Variants in IL17RA observed in about 807,000 individuals in gnomAD.
IL17RA encodes interleukin 17 receptor A, also known as interleukin-17 receptor A.
In IL17RA, 34 loss-of-function variants were observed where a neutral mutation model predicts 50.4. The observed-to-expected ratio is 0.67, with a 90% confidence interval of 0.51 to 0.90. The LOEUF (loss-of-function observed/expected upper bound fraction) is 0.90. Among genes scored for constraint, IL17RA ranks in the 40% least tolerant of loss-of-function variants. The pLI is 0.00. For synonymous variants in IL17RA, 585 were observed against 510.4 expected (o/e 1.15, Z -1.97); for missense variants, 1,276 against 1,169.8 (o/e 1.09, Z -1.32).
At chr22:17,085,322 G>T in intron 1 of IL17RA, 93 bp downstream of exon 1, 1 of 1,506,942 alleles carries the variant, frequency 6.6e-7, no homozygotes. Context: ...ACGCGCCCGG[G>T]CTGGGGAGGC....
In IL17RA at chr22:17,111,792, C is replaced by G. The variant is rs1387962853; in HGVS notation, c.*1972C>G. The G allele has an allele frequency of 2.0e-5, 3 of 152,174 alleles. No individual in the cohort carries two copies. The highest frequency in any genetic ancestry group is 7.2e-5 in the African/African-American group (3 of 41,428). 9.4% of individuals were successfully genotyped at this position (152,174 alleles called of 1,614,324 possible). On this transcript the variant is annotated 3_prime_UTR_variant, in exon 13 of 13. Coordinates refer to ENST00000319363, the MANE Select transcript of IL17RA (RefSeq NM_014339.7). ...AATAAAAGTGCATAAATTTGTTGAT[C>G]TGGTAAGAGTTTCTAGCAGGAAGGT... is the stretch of plus-strand genomic sequence containing the variant.
chr22:17,108,064 G>A (rs2061421343), intron 12 of IL17RA, among the ~76,000 whole-genome samples: 1 of 152,226 alleles, frequency 6.6e-6, no homozygotes, highest in South Asian at 2.1e-4. Context: ...TAAAGTATAG[G>A]CTAAAGACCA....
rs1453480856 is a variant in IL17RA at position 17,109,140 on chromosome 22, G to A, written c.1921G>A (p.Glu641Lys). 6.5e-7 allele frequency: 1 copy of A among 1,537,446 alleles called. No individual in the cohort carries two copies. Among genetic ancestry groups the A allele is most frequent in the Non-Finnish European group, 8.7e-7 (1 of 1,148,434 alleles). The change falls in exon 13 of 13, where the codon GAG becomes AAG. Residue 641 changes from glutamate (E) to lysine (K), a missense_variant. Glu to Lys is a moderately conservative substitution (Grantham distance 56, BLOSUM62 1). Coordinates refer to ENST00000319363, the MANE Select transcript of IL17RA (RefSeq NM_014339.7). ...CCTGGCCATAGACCCGCTGGTCGGG[G>A]AGGAAGGAGGAGCAGCAGTGGCAAA... ...ACLAIDPLVG[E>K]EGGAAVAKLE...
intron 2 of IL17RA, 122 bp from the exon 3 acceptor site, chr22:17,097,675 G>C: frequency 8.3e-7 from 1 of 1,201,678 alleles, no homozygotes; most frequent in East Asian, 2.4e-5. Context: ...GCGGCCAAGG[G>C]CCACAGGCTG....
At position 17,105,837 on chromosome 22, in the gene IL17RA, G is replaced by C; in HGVS notation, c.944-16G>C. On this transcript the variant is annotated splice_polypyrimidine_tract_variant and intron_variant, in intron 10 of 12. Transcript: ENST00000319363. ...CAGGCCCCGCCGCATCACTCACGCTGTTCTGCTCACCGCAGACTACATGCC... is the reference window on the plus strand; with the variant it reads ...CAGGCCCCGCCGCATCACTCACGCTCTTCTGCTCACCGCAGACTACATGCC... 6.2e-7 allele frequency: 1 copy of C among 1,604,492 alleles called. No homozygotes were observed. The highest frequency in any genetic ancestry group is 1.1e-5 in the South Asian group (1 of 90,814).
chr22:17,094,671 C>CTATATATATATATA (rs1568917407), intron 1 of IL17RA, among the ~76,000 whole-genome samples: 1,397 of 40,598 alleles, frequency 0.034, 159 homozygotes, highest in Non-Finnish European at 0.048. Context: ...CTCTCTCTCT[C>CTATATATATATATA]TCTCTCTCTC....
rs889485343 is a variant in IL17RA, at chr22:17,113,839, T to G, written c.*4019T>G. 1.3e-5 allele frequency: 2 copies of G among 152,234 alleles called. No homozygotes were observed. The highest frequency in any genetic ancestry group is 4.8e-5 in the African/African-American group (2 of 41,438). 9.4% of individuals were successfully genotyped at this position (152,234 alleles called of 1,614,324 possible). On this transcript the variant is annotated 3_prime_UTR_variant, in exon 13 of 13. Transcript: ENST00000319363. ...TGCTCGTCCGCCCTAGGTAGCTTGC[T>G]CATCTGTAAAGTGGGTGGGGCAGGA...
intron 10 of IL17RA, 40 bp from the exon 11 acceptor site, chr22:17,105,813 A>T: frequency 6.5e-7 from 1 of 1,539,000 alleles, no homozygotes; most frequent in Non-Finnish European, 8.8e-7. Flanking sequence ...TGGGCAGGGC[A>T]GGCCCCGCCG....
At chr22:17,092,560 A>C (rs868219779) in intron 1 of IL17RA, among the ~76,000 whole-genome samples, 33 of 151,930 alleles carry the variant, frequency 2.2e-4, no homozygotes, top group African/African-American at 6.8e-4. Context: ...TGCCGAATTG[A>C]TTGCTTGCTT....
At chr22:17,101,598 G>A (rs2061391571) in intron 5 of IL17RA, among the ~76,000 whole-genome samples, 2 of 152,152 alleles carry the variant, frequency 1.3e-5, no homozygotes, top group Non-Finnish European at 2.9e-5. Context: ...CTCAGTTCTC[G>A]CTTCTGTTCC....
chr22:17,097,563 T>C (rs2061372732), intron 2 of IL17RA: 3 of 592,318 alleles, frequency 5.1e-6, no homozygotes, highest in East Asian at 5.6e-5. Context: ...AATCAACTTG[T>C]GTACTTTGTC....
chr22:17,102,252 C>G lies in IL17RA; in HGVS notation c.712C>G (p.Pro238Ala), dbSNP rs1248570379. Reference protein sequence around the residue: ...THYQILLTSFPHMENHSCFEH... With the variant: ...THYQILLTSFAHMENHSCFEH... ...TTACCAGATCCTGCTGACCAGTTTT[C>G]CGCACATGGAGAACCACAGTTGCTT... The change falls in exon 7 of 13, where the codon CCG (proline) becomes GCG (alanine). Residue 238 changes from proline (P) to alanine (A), a missense_variant. Pro to Ala is a conservative substitution (Grantham distance 27). Coordinates refer to ENST00000319363, the MANE Select transcript of IL17RA (RefSeq NM_014339.7). 6.2e-7 allele frequency: 1 copy of G among 1,614,192 alleles called. No homozygotes were observed. Among genetic ancestry groups the G allele is most frequent in the Admixed American group, 1.7e-5 (1 of 60,024 alleles).
chr22:17,091,182 T>C (rs572329610), intron 1 of IL17RA, among the ~76,000 whole-genome samples: 17 of 152,350 alleles, frequency 1.1e-4, no homozygotes, highest in Non-Finnish European at 2.2e-4. Flanking sequence ...CCTAAGCATA[T>C]GTATGAGGGA....
In IL17RA at chr22:17,102,184, A is replaced by C. The variant is rs200302492; in HGVS notation, c.644A>C (p.His215Pro). ...ATCACCGTGGAGACCCTGGAGGCCC[A>C]CCAGCTGCGTGTGAGCTTCACCCTG... ...PNITVETLEA[H>P]QLRVSFTLWN... Residue 215 changes from histidine to proline, a missense_variant, in exon 7 of 13, where the codon CAC becomes CCC. Coordinates refer to ENST00000319363, the MANE Select transcript of IL17RA (RefSeq NM_014339.7). The C allele has an allele frequency of 1.6e-5, 26 of 1,614,140 alleles. No individual in the cohort carries two copies. In the East Asian group the frequency reaches 5.3e-4, roughly 33 times the overall value.
intron 1 of IL17RA, among the ~76,000 whole-genome samples, chr22:17,088,397 C>T (rs1267159608): frequency 6.6e-6 from 1 of 152,114 alleles, no homozygotes; most frequent in Non-Finnish European, 1.5e-5. Flanking sequence ...CAGCTCACTG[C>T]AACCTCCGCC....
intron 1 of IL17RA, 107 bp downstream of exon 1, chr22:17,085,336 A>C (rs937681929): frequency 3.3e-6 from 5 of 1,501,128 alleles, no homozygotes; most frequent in Admixed American, 2.1e-5. Context: ...GGGAGGCAGG[A>C]AGTCCGCGCC....
At chr22:17,086,221 C>CCCTCCACCTCCA (rs541931710) in intron 1 of IL17RA, among the ~76,000 whole-genome samples, 19 of 151,990 alleles carry the variant, frequency 1.3e-4, no homozygotes, top group African/African-American at 4.6e-4. Flanking sequence ...ATCTTTCCTC[C>CCCTCCACCTCCA]CCTCCACCTC....
intron 5 of IL17RA, among the ~76,000 whole-genome samples, chr22:17,100,873 C>T (rs1370099172): frequency 2.0e-5 from 3 of 152,176 alleles, no homozygotes; most frequent in African/African-American, 4.8e-5. Context: ...TGCTCTTCTC[C>T]TTCCACCTTA....
chr22:17,098,704 G>A, intron 3 of IL17RA, 71 bp from the exon 4 acceptor site: 2 of 1,203,526 alleles, frequency 1.7e-6, no homozygotes, highest in South Asian at 1.2e-5. Flanking sequence ...CAACAGATAG[G>A]GAAGTGACAC....
Sources: allele counts gnomAD v4.1 joint callset (sites outside exome capture counted in the v4.1 genomes callset), GRCh38; gene constraint gnomAD v4.1.1; transcripts MANE v1.5; gene names NCBI Gene and HGNC (gene_info 2026-07-23, HGNC 2026-07-21).